The following CSMD1 variants were observed in gnomAD, a reference collection of about 807,000 sequenced individuals.
CSMD1 encodes CUB and Sushi multiple domains 1, also known as CUB and sushi domain-containing protein 1.
CSMD1 carries 213 observed loss-of-function variants against 417.5 expected under a neutral mutation model. That is an observed-to-expected ratio of 0.51 (90% CI 0.46 to 0.57). The LOEUF is 0.57. Ranked by LOEUF, CSMD1 falls within the 20% of genes least tolerant of loss-of-function variation. The pLI, the probability that CSMD1 is intolerant of heterozygous loss-of-function variation, is 0.00. For synonymous variants in CSMD1, 2,862 were observed against 1,736.8 expected (o/e 1.65, Z -16.11); for missense variants, 6,923 against 4,529.7 (o/e 1.53, Z -15.17).
intron 30 of CSMD1, among the ~76,000 whole-genome samples, chr8:3,212,769 A>T (rs1443910518): frequency 1.3e-5 from 2 of 151,862 alleles, no homozygotes; most frequent in South Asian, 4.1e-4. Context: ...ATAGCAGAAC[A>T]CGCCAGGGAA....
At position 4,299,487 on chromosome 8, in the gene CSMD1, T is replaced by A. The variant is rs117614209; in HGVS notation, c.415+120466A>T. Reference sequence around the variant, plus strand: ...TTTAATTCAACAGATACTTACTCAATAGCCATCATGTGGTAGACACCTTGT... The same window carrying A: ...TTTAATTCAACAGATACTTACTCAAAAGCCATCATGTGGTAGACACCTTGT... On this transcript the variant is annotated intron_variant, in intron 3 of 69. Coordinates refer to ENST00000635120, the MANE Select transcript of CSMD1 (RefSeq NM_033225.6). Among the ~76,000 whole-genome samples the A allele has an allele frequency of 3.1e-3, 465 of 152,306 alleles. 1 individual carries two copies. The highest frequency in any genetic ancestry group is 0.024 in the Middle Eastern group (7 of 294).
At chr8:4,405,979 C>G (rs981902578) in intron 3 of CSMD1, among the ~76,000 whole-genome samples, 1 of 152,182 alleles carries the variant, frequency 6.6e-6, no homozygotes, top group Non-Finnish European at 1.5e-5. Context: ...TGTCCTGTAA[C>G]AGACATGGCT....
chr8:2,998,263 T>C lies in CSMD1; in HGVS notation c.8204-79A>G. On this transcript the variant is annotated intron_variant, in intron 53 of 69. Coordinates refer to ENST00000635120, the MANE Select transcript of CSMD1 (RefSeq NM_033225.6). ...CCCTTGGGATTATTAATAAGAAACATGCAGGCATGCTAACGGTATGGACTG... is the reference window on the plus strand; with the variant it reads ...CCCTTGGGATTATTAATAAGAAACACGCAGGCATGCTAACGGTATGGACTG... 5 of 1,431,854 alleles carry C rather than the reference T, an allele frequency of 3.5e-6. No homozygotes were observed. The South Asian group carries it at 3.7e-5, about 11-fold the overall frequency. The allele number at this position is 1,431,854 out of a possible 1,614,324, so 88.7% of individuals were successfully genotyped here. A position where few individuals can be genotyped will look rare whatever the true frequency, so the allele number is the denominator to read the frequency against.
intron 3 of CSMD1, among the ~76,000 whole-genome samples, chr8:4,111,018 G>C (rs1364220372): frequency 1.3e-5 from 2 of 152,196 alleles, no homozygotes; most frequent in Admixed American, 1.3e-4. Flanking sequence ...CCTGCAATCA[G>C]GGACTCCCTG....
chr8:4,019,634 G>A (rs1249194144), intron 4 of CSMD1, among the ~76,000 whole-genome samples: 1 of 152,178 alleles, frequency 6.6e-6, no homozygotes, highest in African/African-American at 2.4e-5. Context: ...TGAAATGCAT[G>A]AGGTTAGAAA....
rs1309899910 is a variant in CSMD1 at position 2,942,481 on chromosome 8, T to C, written c.10526A>G (p.Tyr3509Cys). The C allele has an allele frequency of 1.9e-6, 3 of 1,612,758 alleles. No homozygotes were observed. Among genetic ancestry groups the C allele is most frequent in the Non-Finnish European group, 2.5e-6 (3 of 1,179,276 alleles). The change falls in exon 69 of 70, where the codon TAC (tyrosine) becomes TGC (cysteine). Residue 3509 changes from tyrosine to cysteine, a missense_variant. Coordinates refer to ENST00000635120, the MANE Select transcript of CSMD1 (RefSeq NM_033225.6). ...LILSGFAFYLYKHRTRPKVQY... is the reference protein window; with the variant it reads ...LILSGFAFYLCKHRTRPKVQY... The stretch of plus-strand genomic sequence containing the variant: ...GGTGTTTCTGCAGTACCTGTGTTTG[T>C]AGAGGTAAAATGCAAACCCTGATAA...
At chr8:4,173,384 C>G (rs543565173) in intron 3 of CSMD1, among the ~76,000 whole-genome samples, 1 of 151,964 alleles carries the variant, frequency 6.6e-6, no homozygotes, top group Non-Finnish European at 1.5e-5. Context: ...GAGACAGAGG[C>G]ATAAAGAGAA....
intron 2 of CSMD1, among the ~76,000 whole-genome samples, chr8:4,543,397 G>C (rs2130525992): frequency 6.6e-6 from 1 of 152,178 alleles, no homozygotes; most frequent in South Asian, 2.1e-4. Flanking sequence ...TATACAGTTT[G>C]TAGCCTTTTC....
intron 2 of CSMD1, among the ~76,000 whole-genome samples, chr8:4,478,368 A>T (rs553581495): frequency 1.3e-5 from 2 of 152,324 alleles, no homozygotes; most frequent in Non-Finnish European, 1.5e-5. Flanking sequence ...GGAAATATTA[A>T]GATTTGAAAC....
chr8:4,544,166 T>A (rs760753072), intron 2 of CSMD1, among the ~76,000 whole-genome samples: 50 of 152,188 alleles, frequency 3.3e-4, no homozygotes, highest in Non-Finnish European at 5.4e-4. Context: ...ACACCTTTGA[T>A]GTTGTATGTA....
chr8:2,986,813 AT>A (rs1376020967), intron 54 of CSMD1, among the ~76,000 whole-genome samples: 1 of 152,000 alleles, frequency 6.6e-6, no homozygotes, highest in East Asian at 1.9e-4. Context: ...TCTCTAGTTC[AT>A]TTTTTACCAA....
chr8:3,236,043 G>A (rs948954381), intron 26 of CSMD1, among the ~76,000 whole-genome samples: 14 of 149,576 alleles, frequency 9.4e-5, no homozygotes, highest in African/African-American at 3.2e-4. Context: ...TCAGTCTCCG[G>A]AGTAGCTGGG....
At chr8:4,505,320 A>C (rs1393683814) in intron 2 of CSMD1, among the ~76,000 whole-genome samples, 1 of 152,232 alleles carries the variant, frequency 6.6e-6, no homozygotes, top group Non-Finnish European at 1.5e-5. Flanking sequence ...AGAGAAACAG[A>C]AAACTGAAAA....
chr8:3,616,936 A>C (rs1802169589), intron 7 of CSMD1, 139 bp from the exon 8 acceptor site: 1 of 514,634 alleles, frequency 1.9e-6, no homozygotes, highest in South Asian at 3.5e-5. Context: ...AGACACCTTA[A>C]ATACATTCAA....
intron 26 of CSMD1, among the ~76,000 whole-genome samples, chr8:3,254,815 A>G (rs113855210): frequency 6.6e-6 from 1 of 151,908 alleles, no homozygotes; most frequent in Non-Finnish European, 1.5e-5. Flanking sequence ...CATGGGTTCA[A>G]ACTTCCTCCT....
chr8:3,214,399 A>C, intron 30 of CSMD1, 98 bp downstream of exon 30: 1 of 1,014,362 alleles, frequency 9.9e-7, no homozygotes, highest in Non-Finnish European at 1.4e-6. Context: ...ACCACCGATG[A>C]GAGGAATACG....
rs1797521831 is a variant in CSMD1 at position 4,788,395 on chromosome 8, T to A, written c.86-150837A>T. 13 of 1,394,156 alleles carry A rather than the reference T, an allele frequency of 9.3e-6. No homozygotes were observed. In the South Asian group the frequency reaches 1.6e-4, roughly 17 times the overall value. The allele number at this position is 1,394,156 out of a possible 1,614,324, so 86.4% of individuals were successfully genotyped here. On this transcript the variant is annotated intron_variant, in intron 1 of 69. Transcript: ENST00000635120. ...ACACCAGACTGGGGAGCTCAGGATG[T>A]GTGGTCTTCTCTTTGACTACCCAGG...
chr8:3,291,131 T>C (rs1288626241), intron 25 of CSMD1, among the ~76,000 whole-genome samples: 3 of 152,228 alleles, frequency 2.0e-5, no homozygotes, highest in Admixed American at 6.5e-5. Flanking sequence ...TTACATTTAT[T>C]GATTTTCGTA....
intron 3 of CSMD1, among the ~76,000 whole-genome samples, chr8:4,225,283 T>G (rs1435938550): frequency 1.3e-5 from 2 of 152,176 alleles, no homozygotes; most frequent in African/African-American, 2.4e-5. Flanking sequence ...AAAATATTAT[T>G]TAATCATGTT....
Sources: allele counts gnomAD v4.1 joint callset (sites outside exome capture counted in the v4.1 genomes callset), GRCh38; gene constraint gnomAD v4.1.1; transcripts MANE v1.5; gene names NCBI Gene and HGNC (gene_info 2026-07-23, HGNC 2026-07-21).